The following OPA1 variants were observed in gnomAD, a reference collection of about 807,000 sequenced individuals.
The protein encoded by OPA1 is dynamin-like GTPase OPA1, mitochondrial.
OPA1 carries 59 observed loss-of-function variants against 152.9 expected under a neutral mutation model. The ratio of observed to expected loss-of-function variants is 0.39; its 90% CI spans 0.31 to 0.48. OPA1 has a LOEUF of 0.48. Among genes scored for constraint, OPA1 ranks in the 20% least tolerant of loss-of-function variants. OPA1 has a pLI of 0.96. For missense variants in OPA1, 1,008 were observed against 1,216.8 expected (o/e 0.83, Z 2.55); for synonymous variants, 400 against 389.9 (o/e 1.03, Z -0.31).
chr3:193,619,758 T>G (rs1729703929), intron 6 of OPA1: 1 of 152,174 alleles, frequency 6.6e-6, no homozygotes, highest in South Asian at 2.1e-4. Context: ...ACATGTAATT[T>G]TTATACTGGA....
chr3:193,621,186 A>G (rs1288179377), intron 6 of OPA1, among the ~76,000 whole-genome samples: 2 of 152,260 alleles, frequency 1.3e-5, no homozygotes, highest in East Asian at 1.9e-4. Context: ...AAAAAGTAAT[A>G]ATAATTGAAA....
intron 25 of OPA1, among the ~76,000 whole-genome samples, chr3:193,660,853 G>A (rs1436642685): frequency 6.6e-6 from 1 of 152,200 alleles, no homozygotes; most frequent in Non-Finnish European, 1.5e-5. Flanking sequence ...AAGGAGGTCT[G>A]TCAGAAGAGA....
At chr3:193,693,743 T>C (rs183096346) in intron 30 of OPA1, among the ~76,000 whole-genome samples, 169 of 152,372 alleles carry the variant, frequency 1.1e-3, no homozygotes, top group African/African-American at 3.8e-3. Flanking sequence ...TCCGTGTTCA[T>C]AAATGTTTTC....
intron 16 of OPA1, among the ~76,000 whole-genome samples, chr3:193,644,803 A>G (rs954768196): frequency 1.3e-5 from 2 of 152,048 alleles, no homozygotes; most frequent in Non-Finnish European, 2.9e-5. Flanking sequence ...GTGAGTTTAT[A>G]TTTCTTCTGA....
At position 193,593,210 on chromosome 3, in the gene OPA1, GC is replaced by G. The variant is rs1442015384; in HGVS notation, c.-167del. On this transcript the variant is annotated 5_prime_UTR_variant, in exon 1 of 31. Transcript: ENST00000361510. The stretch of plus-strand genomic sequence containing the variant: ...CGGACTGAGTACGGGTGCCTGTCAG[GC>G]TCTTGCGGAAGTCCATGCGCCATTG... 1.7e-6 allele frequency: 1 copy of G among 575,926 alleles called. No homozygotes were observed. Among genetic ancestry groups the G allele is most frequent in the Non-Finnish European group, 3.0e-6 (1 of 331,022 alleles). 35.7% of individuals were successfully genotyped at this position (575,926 alleles called of 1,614,324 possible). A position where few individuals can be genotyped will look rare whatever the true frequency, so the allele number is the denominator to read the frequency against.
chr3:193,667,139 C>G lies in OPA1; in HGVS notation c.2873-31C>G, dbSNP rs888491927. 9.1e-6 allele frequency: 9 copies of G among 992,372 alleles called. No homozygotes were observed. The African/African-American group carries it at 1.3e-4, about 14-fold the overall frequency. 61.5% of individuals were successfully genotyped at this position (992,372 alleles called of 1,614,324 possible). A position where few individuals can be genotyped will look rare whatever the true frequency, so the allele number is the denominator to read the frequency against. Reference sequence around the variant, plus strand: ...TCTTTATTCATTTATAAAAACGATGCTCCTCAGGTTTTTTAACTTTCTTTA... The same window carrying G: ...TCTTTATTCATTTATAAAAACGATGGTCCTCAGGTTTTTTAACTTTCTTTA... On this transcript the variant is annotated intron_variant, in intron 28 of 30. Coordinates refer to ENST00000361510, the MANE Select transcript of OPA1 (RefSeq NM_130837.3).
chr3:193,656,588 T>G (rs896044538), intron 22 of OPA1, among the ~76,000 whole-genome samples: 2 of 152,164 alleles, frequency 1.3e-5, no homozygotes, highest in African/African-American at 4.8e-5. Context: ...ATTAAGACAT[T>G]TAAAACCTTT....
chr3:193,594,114 C>T (rs1725123389), intron 1 of OPA1, among the ~76,000 whole-genome samples: 1 of 152,108 alleles, frequency 6.6e-6, no homozygotes, highest in African/African-American at 2.4e-5. Flanking sequence ...AATAGAAAAT[C>T]ATAGAAATCT....
intron 6 of OPA1, 151 bp from the exon 7 acceptor site, chr3:193,625,941 G>A: frequency 2.9e-6 from 2 of 691,884 alleles, no homozygotes; most frequent in Non-Finnish European, 5.3e-6. Context: ...GCGGTACAGA[G>A]CCCAAGGGTA....
chr3:193,678,415 C>T (rs1187995066), intron 29 of OPA1, among the ~76,000 whole-genome samples: 1 of 151,996 alleles, frequency 6.6e-6, no homozygotes, highest in Non-Finnish European at 1.5e-5. Context: ...ATAATTGCCA[C>T]CACCCAGAGA....
intron 1 of OPA1, among the ~76,000 whole-genome samples, chr3:193,593,801 A>G (rs943942520): frequency 7.3e-6 from 1 of 137,592 alleles, no homozygotes; most frequent in African/African-American, 2.8e-5. Context: ...CTCTCTCCAC[A>G]TTTCTCCTAA....
At chr3:193,601,249 C>T (rs113048127) in intron 1 of OPA1, among the ~76,000 whole-genome samples, 37 of 152,138 alleles carry the variant, frequency 2.4e-4, no homozygotes, top group African/African-American at 5.5e-4. Flanking sequence ...AATCTTTCCC[C>T]GGTAGAAACT....
rs779207157 is a variant in OPA1 at position 193,644,054 on chromosome 3, C to T, written c.1557C>T (p.Phe519=). Residue 519 remains phenylalanine (F), a synonymous_variant, in exon 16 of 31, where the codon TTC becomes TTT. Coordinates refer to ENST00000361510, the MANE Select transcript of OPA1 (RefSeq NM_130837.3). ...QMDPHGRRTI[F]VLTKVDLAEK... ...ACCCTCATGGAAGGAGAACCATATT[C>T]GTTTTGACCAAAGTAGACCTGGCAG... 1.1e-5 allele frequency: 18 copies of T among 1,613,562 alleles called. No individual in the cohort carries two copies. Among genetic ancestry groups the T allele is most frequent in the Middle Eastern group, 1.6e-4 (1 of 6,080 alleles).
chr3:193,659,419 A>G, intron 24 of OPA1, 63 bp from the exon 25 acceptor site: 1 of 1,311,972 alleles, frequency 7.6e-7, no homozygotes, highest in Non-Finnish European at 1.1e-6. Context: ...CAAGACCATT[A>G]TTAGTTATAA....
intron 30 of OPA1, among the ~76,000 whole-genome samples, chr3:193,694,159 G>A (rs1039842509): frequency 5.3e-5 from 8 of 152,162 alleles, no homozygotes; most frequent in Non-Finnish European, 7.3e-5. Context: ...CTTTTACAAA[G>A]TATCTTGTGA....
intron 29 of OPA1, chr3:193,668,379 C>G: frequency 6.4e-7 from 1 of 1,551,350 alleles, no homozygotes; most frequent in Non-Finnish European, 8.7e-7. Flanking sequence ...GCGCCGCACC[C>G]AGCATTGACA....
chr3:193,627,225 T>G (rs1431166000), intron 7 of OPA1: 1 of 152,204 alleles, frequency 6.6e-6, no homozygotes, highest in Non-Finnish European at 1.5e-5. Context: ...TTCAGAGTAC[T>G]CACCATAGTT....
chr3:193,631,823 T>C (rs1267992778), intron 8 of OPA1, 158 bp downstream of exon 8: 5 of 674,106 alleles, frequency 7.4e-6, no homozygotes, highest in African/African-American at 1.8e-5. Context: ...AATTGAGAAA[T>C]AAGGAATAAA....
rs147155536 is a variant in OPA1 at position 193,668,333 on chromosome 3, G to T, written c.2983+1053G>T. ...ATTGCAGAAATGTTCTTTTTCCCCA[G>T]CTCGGACTCAACACTACACACCAGG... On this transcript the variant is annotated intron_variant, in intron 29 of 30. Coordinates refer to ENST00000361510, the MANE Select transcript of OPA1 (RefSeq NM_130837.3). 2.2e-4 allele frequency: 335 copies of T among 1,551,094 alleles called. No individual in the cohort carries two copies. The Middle Eastern group carries it at 3.8e-3, about 18-fold the overall frequency.
Sources: gnomAD v4.1 joint callset for allele counts (sites outside exome capture counted in the v4.1 genomes callset) on GRCh38, gnomAD v4.1.1 for gene constraint, MANE v1.5 for transcripts, NCBI Gene and HGNC (gene_info 2026-07-23, HGNC 2026-07-21) for gene names.